Variants in GPLD1 observed in about 807,000 individuals in gnomAD.
GPLD1 encodes phosphatidylinositol-glycan-specific phospholipase D.
GPLD1 carries 84 observed loss-of-function variants against 112.6 expected under a neutral mutation model. The ratio of observed to expected loss-of-function variants is 0.75; its 90% CI spans 0.63 to 0.89. The LOEUF (loss-of-function observed/expected upper bound fraction) is 0.89. Ranked by LOEUF, GPLD1 falls within the 40% of genes least tolerant of loss-of-function variation. GPLD1 has a pLI of 0.00. For missense variants in GPLD1, 1,044 were observed against 1,051.5 expected, an observed-to-expected ratio of 0.99 and a Z score of 0.10; for synonymous variants, 386 against 403.8, an observed-to-expected ratio of 0.96 and a Z score of 0.53.
intron 1 of GPLD1, 61 bp from the exon 2 acceptor site, chr6:24,486,191 C>T (rs909636234): frequency 2.1e-5 from 20 of 968,946 alleles, no homozygotes; most frequent in South Asian, 2.8e-5. Context: ...ATAACTTAGG[C>T]GAGATGATTT....
chr6:24,436,973 C>T (rs1226423318), intron 21 of GPLD1, 140 bp downstream of exon 21: 1 of 778,112 alleles, frequency 1.3e-6, no homozygotes. Flanking sequence ...TCTGGTCTTG[C>T]CTCATTCAAG....
chr6:24,488,227 G>A (rs1170681830), intron 1 of GPLD1, among the ~76,000 whole-genome samples: 1 of 152,056 alleles, frequency 6.6e-6, no homozygotes, highest in African/African-American at 2.4e-5. Flanking sequence ...CTAACATGGT[G>A]AAACCCCATC....
chr6:24,464,804 C>T (rs548909145), intron 10 of GPLD1, among the ~76,000 whole-genome samples: 5 of 152,296 alleles, frequency 3.3e-5, no homozygotes, highest in East Asian at 1.9e-4. Flanking sequence ...TTCCCCGATT[C>T]GGGGGCTGCC....
chr6:24,482,795 C>T (rs1764248477), intron 2 of GPLD1, among the ~76,000 whole-genome samples: 1 of 152,010 alleles, frequency 6.6e-6, no homozygotes, highest in African/African-American at 2.4e-5. Flanking sequence ...TCTGTTTCTA[C>T]AAAAAATTTA....
chr6:24,436,863 A>T, intron 21 of GPLD1, 127 bp from the exon 22 acceptor site: 1 of 959,052 alleles, frequency 1.0e-6, no homozygotes, highest in Non-Finnish European at 1.5e-6. Flanking sequence ...GTCGGCTGTG[A>T]TTTCATCCTG....
intron 3 of GPLD1, 119 bp from the exon 4 acceptor site, chr6:24,476,397 C>G (rs1321756510): frequency 1.6e-6 from 1 of 609,068 alleles, no homozygotes; most frequent in Admixed American, 2.9e-5. Context: ...CCATGCCCCT[C>G]AGTTTCTTCT....
Position 24,460,348 on chromosome 6 carries a change from A to G in GPLD1, c.939T>C (p.Thr313=). 6.2e-7 allele frequency: 1 copy of G among 1,612,742 alleles called. No homozygotes were observed. The highest frequency in any genetic ancestry group is 8.5e-7 in the Non-Finnish European group (1 of 1,178,718). The part of the protein sequence containing the change: ...DFHRNLTTSL[T]ESVDRNINYT... ...AGTTTATATTCCTGTCAACACTTTC[A>G]GTTAGGGATGTAGTCAAATTTCTGT... The change falls in exon 12 of 25, where the codon ACT becomes ACC. Residue 313 remains threonine (T), a synonymous_variant. Coordinates refer to ENST00000230036, the MANE Select transcript of GPLD1 (RefSeq NM_001503.4).
chr6:24,495,138 G>T lies in GPLD1; in HGVS notation n.68C>A, dbSNP rs1188474690. The stretch of plus-strand genomic sequence containing the variant: ...CGGCCCGGCCCAGCTCCGCTGCTAC[G>T]CTGGGCGCCTGGCGGGCCTCTCTGC... On this transcript the variant is annotated non_coding_transcript_exon_variant, in exon 1 of 11. Coordinates refer to the GPLD1 transcript ENST00000474784. 5.7e-6 allele frequency: 8 copies of T among 1,411,398 alleles called. No homozygotes were observed. Among genetic ancestry groups the T allele is most frequent in the African/African-American group, 1.5e-5 (1 of 66,282 alleles). 87.4% of individuals were successfully genotyped at this position (1,411,398 alleles called of 1,614,324 possible).
At chr6:24,467,008 G>A in intron 8 of GPLD1, 69 bp from the exon 9 acceptor site, 8 of 1,376,248 alleles carry the variant, frequency 5.8e-6, no homozygotes, top group Non-Finnish European at 7.3e-6. Flanking sequence ...AAATAATGAA[G>A]AAAAAGTTCC....
intron 24 of GPLD1, among the ~76,000 whole-genome samples, chr6:24,432,143 A>G (rs1387828519): frequency 4.0e-5 from 6 of 149,820 alleles, no homozygotes; most frequent in African/African-American, 1.2e-4. Context: ...GCTACTCAGG[A>G]GGCTGAGGTT....
chr6:24,451,326 C>A (rs983823594), intron 14 of GPLD1, among the ~76,000 whole-genome samples: 1 of 134,046 alleles, frequency 7.5e-6, no homozygotes, highest in African/African-American at 2.5e-5. Context: ...TTTTCCAATT[C>A]TTTCTCTTTT....
At chr6:24,477,032 A>G (rs753987220) in intron 3 of GPLD1, among the ~76,000 whole-genome samples, 2 of 151,948 alleles carry the variant, frequency 1.3e-5, no homozygotes, top group Non-Finnish European at 2.9e-5. Context: ...TTTTTTTCAA[A>G]ATGATTTTCA....
At chr6:24,442,498 G>A (rs1762781689) in intron 20 of GPLD1, among the ~76,000 whole-genome samples, 1 of 125,500 alleles carries the variant, frequency 8.0e-6, no homozygotes, top group Non-Finnish European at 1.6e-5. Context: ...AGGCTGGAGT[G>A]CAGTGGCACA....
rs1426382439 is a variant in GPLD1 at position 24,427,041 on chromosome 6, C to G, written c.*1991G>C. On this transcript the variant is annotated 3_prime_UTR_variant, in exon 25 of 25. Coordinates refer to ENST00000230036, the MANE Select transcript of GPLD1 (RefSeq NM_001503.4). Reference sequence around the variant, plus strand: ...CACCAGTCTCTACTCTTGAGAGAAGCTGAGAAGAGAAGGGCTCTTCTCATT... The same window carrying G: ...CACCAGTCTCTACTCTTGAGAGAAGGTGAGAAGAGAAGGGCTCTTCTCATT... Among the ~76,000 whole-genome samples the G allele has an allele frequency of 4.6e-5, 7 of 152,322 alleles. No homozygotes were observed. In the East Asian group the frequency reaches 1.2e-3, roughly 25 times the overall value.
chr6:24,488,427 A>T (rs906029062), intron 1 of GPLD1, among the ~76,000 whole-genome samples: 1 of 151,020 alleles, frequency 6.6e-6, no homozygotes, highest in South Asian at 2.1e-4. Context: ...AAAAAAAAAG[A>T]AAACTCAGAA....
chr6:24,483,732 A>T (rs921616154), intron 2 of GPLD1, among the ~76,000 whole-genome samples: 2 of 151,538 alleles, frequency 1.3e-5, no homozygotes, highest in Admixed American at 6.6e-5. Flanking sequence ...GCGGTGTCGG[A>T]TTAGAATTGG....
At chr6:24,432,029 CTT>C (rs555338116) in intron 24 of GPLD1, among the ~76,000 whole-genome samples, 74 of 152,002 alleles carry the variant, frequency 4.9e-4, no homozygotes, top group South Asian at 4.6e-3. Context: ...GGGTGGATCT[CTT>C]GAGCCCAGGA....
At chr6:24,447,826 C>T (rs770694522) in intron 17 of GPLD1, 51 bp downstream of exon 17, 46 of 1,571,308 alleles carry the variant, frequency 2.9e-5, no homozygotes, top group Non-Finnish European at 3.8e-5. Context: ...GATAAGTTGT[C>T]GTAGACACAC....
At chr6:24,440,664 G>C (rs1281338108) in intron 20 of GPLD1, among the ~76,000 whole-genome samples, 1 of 148,160 alleles carries the variant, frequency 6.7e-6, no homozygotes, top group Non-Finnish European at 1.5e-5. Context: ...GAGATGGGAG[G>C]ATCACTTGAG....
Sources: allele counts gnomAD v4.1 joint callset (sites outside exome capture counted in the v4.1 genomes callset), GRCh38; gene constraint gnomAD v4.1.1; transcripts MANE v1.5; gene names NCBI Gene and HGNC (gene_info 2026-07-23, HGNC 2026-07-21).